The following DMXL1 variants were observed in gnomAD, a reference collection of about 807,000 sequenced individuals.
DMXL1 encodes dmX-like protein 1.
A neutral mutation model predicts 319.2 loss-of-function variants in DMXL1; 99 were observed. The ratio of observed to expected loss-of-function variants is 0.31; its 90% CI spans 0.26 to 0.37. The LOEUF (loss-of-function observed/expected upper bound fraction) is 0.37. Among genes scored for constraint, DMXL1 ranks in the 10% least tolerant of loss-of-function variants. The pLI is 1.00. For missense variants in DMXL1, 3,745 were observed against 3,595.6 expected, an observed-to-expected ratio of 1.04 and a Z score of -1.06; for synonymous variants, 1,385 against 1,235.2, an observed-to-expected ratio of 1.12 and a Z score of -2.54.
At chr5:119,138,445 A>T (rs1426337802) in intron 13 of DMXL1, among the ~76,000 whole-genome samples, 1 of 152,232 alleles carries the variant, frequency 6.6e-6, no homozygotes, top group Non-Finnish European at 1.5e-5. Context: ...TCTGGAGTTC[A>T]GAGAGAGGTC....
intron 1 of DMXL1, among the ~76,000 whole-genome samples, chr5:119,091,873 A>G (rs200508289): frequency 1.6e-4 from 24 of 152,194 alleles, no homozygotes; most frequent in African/African-American, 4.8e-4. Flanking sequence ...ATGGAGCACT[A>G]TTTTCAGGGA....
rs1238951312 is a variant in DMXL1, at chr5:119,149,451, T to C, written c.3624T>C (p.Ser1208=). The C allele has an allele frequency of 1.2e-6, 2 of 1,613,908 alleles. No individual in the cohort carries two copies. The highest frequency in any genetic ancestry group is 1.7e-6 in the Non-Finnish European group (2 of 1,179,918). The change falls in exon 18 of 44, where the codon TCT becomes TCC. Residue 1208 remains serine (S), a synonymous_variant. Transcript: ENST00000539542. The part of the protein sequence containing the change: ...VLLRSVDLVS[S]VDGSPPFPVS... ...TACGAAGTGTGGACCTAGTTTCTTC[T>C]GTAGATGGCTCCCCACCTTTTCCTG...
At position 119,167,743 on chromosome 5, in the gene DMXL1, G is replaced by A; in HGVS notation, c.5277G>A (p.Leu1759=). 6.2e-7 allele frequency: 1 copy of A among 1,613,610 alleles called. No homozygotes were observed. The highest frequency in any genetic ancestry group is 2.2e-5 in the East Asian group (1 of 44,778). Reference sequence around the variant, plus strand: ...GAATCGATTCTCCTGTCAGTGAACTGTGTTCATTGAACATAAATATGCATC... The same window carrying A: ...GAATCGATTCTCCTGTCAGTGAACTATGTTCATTGAACATAAATATGCATC... ...VLGIDSPVSE[L]CSLNINMHHD... Residue 1759 remains leucine, a synonymous_variant, in exon 23 of 44, where the codon CTG becomes CTA. Transcript: ENST00000539542.
Position 119,116,154 on chromosome 5 carries a change from T to G in DMXL1, c.565-4T>G, listed in dbSNP as rs764559537. 1 of 1,585,630 alleles carries G rather than the reference T, an allele frequency of 6.3e-7. No individual in the cohort carries two copies. The highest frequency in any genetic ancestry group is 8.6e-7 in the Non-Finnish European group (1 of 1,166,970). ...ATTTTCTGTTTTGTTTTTTTTTTCC[T>G]TAGGATGACTGTCTTTTGAAGGTTT... On this transcript the variant is annotated splice_polypyrimidine_tract_variant and splice_region_variant and intron_variant, in intron 6 of 43. Transcript: ENST00000539542.
rs1170856885 is a variant in DMXL1, at chr5:119,171,713, T to G, written c.6490-65T>G. 3.8e-6 allele frequency: 5 copies of G among 1,328,696 alleles called. No individual in the cohort carries two copies. The Admixed American group carries it at 1.2e-4, about 32-fold the overall frequency. The allele number at this position is 1,328,696 out of a possible 1,614,324, so 82.3% of individuals were successfully genotyped here. ...TGAAGTGTTTTAAAGAGCCCTTGAT[T>G]TACTGAAGTAATGGTTTGTAACTGT... is the stretch of plus-strand genomic sequence containing the variant. On this transcript the variant is annotated intron_variant, in intron 24 of 43. Coordinates refer to ENST00000539542, the MANE Select transcript of DMXL1 (RefSeq NM_001290321.3).
chr5:119,121,076 A>T lies in DMXL1; in HGVS notation c.1039A>T (p.Thr347Ser), dbSNP rs148466434. 9.3e-6 allele frequency: 15 copies of T among 1,613,112 alleles called. No homozygotes were observed. In the African/African-American group the frequency reaches 1.9e-4, roughly 20 times the overall value. ...GGATCCTCATCATGTTCACAGGAAC[A>T]CTCCACTGCATGCCAATGCACTTTG... ...QQDPHHVHRN[T>S]PLHANALCHF... Residue 347 changes from threonine (T) to serine (S), a missense_variant, in exon 9 of 44, where the codon ACT (threonine) becomes TCT (serine). Physicochemically the swap from Thr to Ser is moderately conservative, Grantham distance 58. Transcript: ENST00000539542.
At chr5:119,161,867 G>A (rs1008900967) in intron 19 of DMXL1, among the ~76,000 whole-genome samples, 2 of 152,172 alleles carry the variant, frequency 1.3e-5, no homozygotes, top group African/African-American at 2.4e-5. Flanking sequence ...GCTATTGGCT[G>A]TTACCTCTAA....
At chr5:119,124,718 A>G (rs1013539553) in intron 9 of DMXL1, among the ~76,000 whole-genome samples, 1 of 151,954 alleles carries the variant, frequency 6.6e-6, no homozygotes, top group Non-Finnish European at 1.5e-5. Context: ...GGCATGAGCC[A>G]CCATGCCTGG....
At chr5:119,095,555 T>C (rs1037081819) in intron 1 of DMXL1, among the ~76,000 whole-genome samples, 5 of 152,216 alleles carry the variant, frequency 3.3e-5, no homozygotes, top group African/African-American at 1.2e-4. Flanking sequence ...GGTGAAGTTG[T>C]GAAGACATGA....
At chr5:119,119,056 T>C in intron 8 of DMXL1, 52 bp downstream of exon 8, 2 of 1,279,882 alleles carry the variant, frequency 1.6e-6, no homozygotes, top group Non-Finnish European at 2.1e-6. Flanking sequence ...CTTTGGTACA[T>C]TGCCTTTTTG....
rs1171318392 is a variant in DMXL1 at position 119,248,878 on chromosome 5, TA to T, written c.*1660del. On this transcript the variant is annotated 3_prime_UTR_variant, in exon 44 of 44. Coordinates refer to ENST00000539542, the MANE Select transcript of DMXL1 (RefSeq NM_001290321.3). ...AGAAATCTGACAGCATTGCAAACAA[TA>T]GTATTGTTTGATGTAGTTAACCTTA... is the stretch of plus-strand genomic sequence containing the variant. 6.6e-6 allele frequency: 1 copy of T among 152,436 alleles called. No homozygotes were observed. Among genetic ancestry groups the T allele is most frequent in the Middle Eastern group, 3.2e-3 (1 of 316 alleles). 9.4% of individuals were successfully genotyped at this position (152,436 alleles called of 1,614,324 possible).
At chr5:119,152,188 C>T (rs183692560) in intron 19 of DMXL1, 152 bp downstream of exon 19, 9 of 584,688 alleles carry the variant, frequency 1.5e-5, no homozygotes, top group Admixed American at 3.5e-5. Context: ...TTTATTTTGT[C>T]ATAATCTTTG....
chr5:119,177,655 C>T (rs982716037), intron 27 of DMXL1, among the ~76,000 whole-genome samples, 171 bp downstream of exon 27: 1 of 152,064 alleles, frequency 6.6e-6, no homozygotes, highest in African/African-American at 2.4e-5. Flanking sequence ...CATTAGTATT[C>T]CCTTGATCAT....
intron 28 of DMXL1, among the ~76,000 whole-genome samples, chr5:119,188,314 G>A (rs1313220715): frequency 2.6e-5 from 4 of 152,034 alleles, no homozygotes; most frequent in Non-Finnish European, 5.9e-5. Context: ...CAAGCCTGTA[G>A]TCCCAGCTAC....
chr5:119,086,273 A>C (rs1034324398), intron 1 of DMXL1, among the ~76,000 whole-genome samples: 1 of 152,102 alleles, frequency 6.6e-6, no homozygotes, highest in Admixed American at 6.5e-5. Flanking sequence ...ATTATCTCCC[A>C]CCTGGTCCCT....
chr5:119,242,410 AACAAAATATGT>A (rs1788992341), intron 42 of DMXL1, among the ~76,000 whole-genome samples: 1 of 152,240 alleles, frequency 6.6e-6, no homozygotes, highest in Non-Finnish European at 1.5e-5. Flanking sequence ...ACATAAATCT[AACAAAATATGT>A]ACAGGGTGTG....
chr5:119,144,108 A>G (rs1041017184), intron 14 of DMXL1, among the ~76,000 whole-genome samples, 178 bp downstream of exon 14: 2 of 151,854 alleles, frequency 1.3e-5, no homozygotes, highest in African/African-American at 4.8e-5. Flanking sequence ...TAGACTTCAA[A>G]CTAGAAAACA....
chr5:119,104,802 A>G (rs1170269731), intron 3 of DMXL1, among the ~76,000 whole-genome samples: 3 of 152,210 alleles, frequency 2.0e-5, no homozygotes, highest in African/African-American at 7.2e-5. Context: ...CCCACATACT[A>G]TTATGATCTC....
At chr5:119,134,590 A>T (rs917294149) in intron 13 of DMXL1, among the ~76,000 whole-genome samples, 2 of 152,236 alleles carry the variant, frequency 1.3e-5, no homozygotes, top group African/African-American at 4.8e-5. Flanking sequence ...TTTGAAAGAA[A>T]GTAGAGTCTC....
Sources: gnomAD v4.1 joint callset for allele counts (sites outside exome capture counted in the v4.1 genomes callset) on GRCh38, gnomAD v4.1.1 for gene constraint, MANE v1.5 for transcripts, NCBI Gene and HGNC (gene_info 2026-07-23, HGNC 2026-07-21) for gene names.